The following PLXNA4 variants were observed in gnomAD, a reference collection of about 807,000 sequenced individuals.
PLXNA4 encodes plexin-A4.
PLXNA4 carries 44 observed loss-of-function variants against 191.8 expected under a neutral mutation model. The observed-to-expected ratio is 0.23, with a 90% confidence interval of 0.18 to 0.29. The LOEUF (loss-of-function observed/expected upper bound fraction) is 0.29. Ranked by LOEUF, PLXNA4 falls within the 10% of genes least tolerant of loss-of-function variation. The pLI, the probability that PLXNA4 is intolerant of heterozygous loss-of-function variation, is 1.00. For synonymous variants in PLXNA4, 1,082 were observed against 1,009.5 expected (o/e 1.07, Z -1.36); for missense variants, 1,800 against 2,488.8 (o/e 0.72, Z 5.89).
chr7:132,189,631 C>G (rs571007361), intron 14 of PLXNA4, among the ~76,000 whole-genome samples: 2 of 152,272 alleles, frequency 1.3e-5, no homozygotes, highest in South Asian at 4.2e-4. Flanking sequence ...CTGGCTGTCT[C>G]AGAACTCCAG....
chr7:132,133,007 C>T lies in PLXNA4; in HGVS notation c.5589+42G>A, dbSNP rs763219393. On this transcript the variant is annotated intron_variant, in intron 31 of 31. Coordinates refer to ENST00000321063, the MANE Select transcript of PLXNA4 (RefSeq NM_020911.2). Reference sequence around the variant, plus strand: ...CATGCAGGGTTGTCTTCATTCTCTTCCCCCTTCCATCCCAATGGGCCTGGA... The same window carrying T: ...CATGCAGGGTTGTCTTCATTCTCTTTCCCCTTCCATCCCAATGGGCCTGGA... 23 of 1,595,868 alleles carry T rather than the reference C, an allele frequency of 1.4e-5. 1 individual carries two copies. The African/African-American group carries it at 2.1e-4, about 15-fold the overall frequency.
At chr7:132,156,135 T>TACACACACACACACACACACACAC (rs57153762) in intron 25 of PLXNA4, among the ~76,000 whole-genome samples, 3 of 133,100 alleles carry the variant, frequency 2.3e-5, no homozygotes, top group African/African-American at 8.7e-5. Context: ...TTTCTGGACA[T>TACACACACACACACACACACACAC]ACACACACAC....
intron 2 of PLXNA4, among the ~76,000 whole-genome samples, chr7:132,644,372 G>A (rs531771389): frequency 6.6e-5 from 10 of 152,284 alleles, no homozygotes; most frequent in South Asian, 4.2e-4. Flanking sequence ...TATGCCCTTC[G>A]TCTTGCTCAA....
At chr7:132,306,224 G>T (rs1801517001) in intron 3 of PLXNA4, among the ~76,000 whole-genome samples, 1 of 152,202 alleles carries the variant, frequency 6.6e-6, no homozygotes, top group Non-Finnish European at 1.5e-5. Context: ...ATTGGAAGGA[G>T]ATCCCTTGCA....
chr7:132,615,434 A>G (rs116314930), intron 2 of PLXNA4, among the ~76,000 whole-genome samples: 3,815 of 152,164 alleles, frequency 0.025, 140 homozygotes, highest in African/African-American at 0.087. Flanking sequence ...GGCTGCTCCC[A>G]CCACCGCAGG....
Position 132,226,155 on chromosome 7 carries a change from A to G in PLXNA4, c.1982+6T>C. 3 of 1,612,390 alleles carry G rather than the reference A, an allele frequency of 1.9e-6. No individual in the cohort carries two copies. The Admixed American group carries it at 5.0e-5, about 27-fold the overall frequency. ...ACGGGAAGTGGGTAAGGCTGGGGCC[A>G]CTTACGAATTGTGGACGCTGCAATT... On this transcript the variant is annotated splice_donor_region_variant and intron_variant, in intron 8 of 31. Coordinates refer to ENST00000321063, the MANE Select transcript of PLXNA4 (RefSeq NM_020911.2).
chr7:132,400,059 C>G (rs1442689979), intron 3 of PLXNA4, among the ~76,000 whole-genome samples: 1 of 152,080 alleles, frequency 6.6e-6, no homozygotes, highest in Non-Finnish European at 1.5e-5. Flanking sequence ...TCCCTTACCC[C>G]ACGCCAGTCC....
chr7:132,487,156 A>G (rs1227289111), intron 3 of PLXNA4, among the ~76,000 whole-genome samples: 1 of 152,196 alleles, frequency 6.6e-6, no homozygotes, highest in Non-Finnish European at 1.5e-5. Flanking sequence ...TTTCATTGAT[A>G]ACATTCACTG....
intron 3 of PLXNA4, among the ~76,000 whole-genome samples, chr7:132,457,263 C>G (rs1307645185): frequency 1.3e-5 from 2 of 152,198 alleles, no homozygotes; most frequent in Non-Finnish European, 2.9e-5. Flanking sequence ...TGTCCTTTTG[C>G]TGTTCCAGGA....
chr7:132,362,594 G>GT (rs1803991886), intron 3 of PLXNA4, among the ~76,000 whole-genome samples: 1 of 152,166 alleles, frequency 6.6e-6, no homozygotes, highest in South Asian at 2.1e-4. Flanking sequence ...TTTTCACTTA[G>GT]TCAGAAAGTA....
intron 1 of PLXNA4, among the ~76,000 whole-genome samples, chr7:132,517,739 G>C (rs897786531): frequency 6.6e-6 from 1 of 152,198 alleles, no homozygotes; most frequent in Non-Finnish European, 1.5e-5. Context: ...AACATATACA[G>C]GATAGAGAAA....
intron 10 of PLXNA4, among the ~76,000 whole-genome samples, chr7:132,207,278 G>A (rs2116884843): frequency 6.6e-6 from 1 of 152,326 alleles, no homozygotes; most frequent in South Asian, 2.1e-4. Context: ...TTTGCACGTG[G>A]TAAATGACGG....
chr7:132,491,691 G>A lies in PLXNA4; in HGVS notation c.1189-2217C>T, dbSNP rs758576368. 4.6e-5 allele frequency among the ~76,000 whole-genome samples: 7 copies of A among 151,420 alleles called. No individual in the cohort carries two copies. The East Asian group carries it at 5.8e-4, about 13-fold the overall frequency. On this transcript the variant is annotated intron_variant, in intron 2 of 31. Coordinates refer to ENST00000321063, the MANE Select transcript of PLXNA4 (RefSeq NM_020911.2). ...CATGGTGACTCATGCCTGTAATCCC[G>A]CCAGAGGCAGGCAGATCATCTGAGG...
At chr7:132,227,336 T>A in intron 7 of PLXNA4, 115 bp downstream of exon 7, 1 of 1,404,542 alleles carries the variant, frequency 7.1e-7, no homozygotes, top group African/African-American at 1.4e-5. Context: ...CCATGCCCCT[T>A]CCTCTGACTC....
At chr7:132,536,097 G>T (rs374223490) in intron 1 of PLXNA4, among the ~76,000 whole-genome samples, 1 of 152,254 alleles carries the variant, frequency 6.6e-6, no homozygotes, top group East Asian at 1.9e-4. Flanking sequence ...TCTGAACCTC[G>T]GACCCTCGTG....
At chr7:132,543,854 G>C (rs1471454068) in intron 1 of PLXNA4, among the ~76,000 whole-genome samples, 1 of 152,232 alleles carries the variant, frequency 6.6e-6, no homozygotes, top group Non-Finnish European at 1.5e-5. Flanking sequence ...AGGAAGGAGA[G>C]TTGACTCCTT....
At chr7:132,274,026 C>T (rs2116346467) in intron 4 of PLXNA4, among the ~76,000 whole-genome samples, 1 of 151,434 alleles carries the variant, frequency 6.6e-6, no homozygotes, top group South Asian at 2.1e-4. Context: ...GGGGCAACAA[C>T]ATGGATAAAG....
chr7:132,170,222 G>A (rs1796243474), intron 21 of PLXNA4, among the ~76,000 whole-genome samples: 1 of 152,122 alleles, frequency 6.6e-6, no homozygotes, highest in Admixed American at 6.5e-5. Context: ...GCCATTCTGT[G>A]TGCTTTAGAA....
At chr7:132,351,150 T>C (rs1585023612) in intron 3 of PLXNA4, among the ~76,000 whole-genome samples, 1 of 152,074 alleles carries the variant, frequency 6.6e-6, no homozygotes, top group East Asian at 1.9e-4. Context: ...CTGGAGAGGG[T>C]GATGGCTAAG....
Sources: gnomAD v4.1 joint callset for allele counts (sites outside exome capture counted in the v4.1 genomes callset) on GRCh38, gnomAD v4.1.1 for gene constraint, MANE v1.5 for transcripts, NCBI Gene and HGNC (gene_info 2026-07-23, HGNC 2026-07-21) for gene names.